GSE1: variants seen among roughly 807,000 people sequenced by gnomAD.
The protein encoded by GSE1 is genetic suppressor element 1.
GSE1 carries 32 observed loss-of-function variants against 112.6 expected under a neutral mutation model. That is an observed-to-expected ratio of 0.28 (90% CI 0.21 to 0.38). The LOEUF (loss-of-function observed/expected upper bound fraction) is 0.38, where lower values mean the gene tolerates loss of function less well. Ranked by LOEUF, GSE1 falls within the 10% of genes least tolerant of loss-of-function variation. The pLI is 1.00. For missense variants in GSE1, 2,348 were observed against 1,699.2 expected, an observed-to-expected ratio of 1.38 and a Z score of -6.71; for synonymous variants, 1,115 against 735.6, an observed-to-expected ratio of 1.52 and a Z score of -8.35.
At chr16:85,195,966 T>C (rs940334079) in intron 1 of GSE1, among the ~76,000 whole-genome samples, 2 of 152,162 alleles carry the variant, frequency 1.3e-5, no homozygotes, top group African/African-American at 4.8e-5. Flanking sequence ...AGACAGATGC[T>C]TTAGTACCGA....
At chr16:85,393,158 C>T (rs756298060) in intron 2 of GSE1, among the ~76,000 whole-genome samples, 2 of 152,198 alleles carry the variant, frequency 1.3e-5, no homozygotes, top group Non-Finnish European at 2.9e-5. Context: ...AATCCCAGCA[C>T]TTTGGGAGGC....
At chr16:85,314,103 C>CTG (rs149950349) in intron 1 of GSE1, among the ~76,000 whole-genome samples, 25 of 150,328 alleles carry the variant, frequency 1.7e-4, no homozygotes, top group South Asian at 2.1e-4. Flanking sequence ...TGACACAGCT[C>CTG]TGTGTGTGTG....
rs1009226009 is a variant in GSE1 at position 85,654,677 on chromosome 16, C to A, written c.600-117C>A. The A allele has an allele frequency of 9.2e-6, 7 of 764,006 alleles. No homozygotes were observed. The East Asian group carries it at 1.6e-4, about 18-fold the overall frequency. 47.3% of individuals were successfully genotyped at this position (764,006 alleles called of 1,614,324 possible). A position where few individuals can be genotyped will look rare whatever the true frequency, so the allele number is the denominator to read the frequency against. On this transcript the variant is annotated intron_variant, in intron 4 of 15. Transcript: ENST00000253458. The stretch of plus-strand genomic sequence containing the variant: ...TAAGCCCCGTCCTCGTTCGGGGTGC[C>A]AGGAGTCTGGGTGCCGACTGAGCGC...
chr16:85,185,907 C>T (rs1306517029), intron 1 of GSE1, among the ~76,000 whole-genome samples: 1 of 152,218 alleles, frequency 6.6e-6, no homozygotes, highest in East Asian at 1.9e-4. Flanking sequence ...GGGAAATTGA[C>T]ACAGTGAGGG....
chr16:85,656,401 GAGCGT>G lies in GSE1; in HGVS notation c.1049_1053del (p.Glu350GlyfsTer3), dbSNP rs2051944398. Reference sequence around the variant, plus strand: ...GGAGCGCGAGCGCGAGCGCGAGCGTGAGCGTGAGGCTGACCGCGAGCGGGAGAAGG... The same window carrying G: ...GGAGCGCGAGCGCGAGCGCGAGCGTGGAGGCTGACCGCGAGCGGGAGAAGG... On this transcript the variant is annotated frameshift_variant, in exon 7 of 16. Transcript: ENST00000253458. LOFTEE classifies it high-confidence loss of function. 6.4e-7 allele frequency: 1 copy of G among 1,556,198 alleles called. No individual in the cohort carries two copies. The highest frequency in any genetic ancestry group is 1.7e-5 in the African/African-American group (1 of 58,476).
chr16:85,239,406 G>C (rs1212167159), intron 1 of GSE1, among the ~76,000 whole-genome samples: 1 of 152,216 alleles, frequency 6.6e-6, no homozygotes, highest in East Asian at 1.9e-4. Context: ...TCCCTCCCTG[G>C]GGAGCTTGGT....
chr16:85,350,354 G>C (rs950001983), intron 1 of GSE1, among the ~76,000 whole-genome samples: 3 of 152,128 alleles, frequency 2.0e-5, no homozygotes, highest in African/African-American at 7.2e-5. Context: ...GGAAGGAAGA[G>C]ATGATTCAGG....
intron 3 of GSE1, 89 bp downstream of exon 3, chr16:85,648,840 T>C (rs954827171): frequency 8.5e-6 from 6 of 709,572 alleles, no homozygotes; most frequent in Admixed American, 3.1e-5. Flanking sequence ...CTTTCGAGGT[T>C]GAGTTTACAT....
At chr16:85,177,641 G>C (rs1428179645) in intron 1 of GSE1, among the ~76,000 whole-genome samples, 1 of 152,184 alleles carries the variant, frequency 6.6e-6, no homozygotes, top group Non-Finnish European at 1.5e-5. Flanking sequence ...AGGGTTCTGA[G>C]GCCATGTCTG....
chr16:85,476,861 C>T (rs1202174647), intron 2 of GSE1, among the ~76,000 whole-genome samples: 5 of 151,570 alleles, frequency 3.3e-5, no homozygotes, highest in Non-Finnish European at 5.9e-5. Context: ...GATCCTCTCA[C>T]CTTGGCCTTC....
intron 2 of GSE1, among the ~76,000 whole-genome samples, chr16:85,647,088 C>T (rs1466796679): frequency 6.6e-6 from 1 of 152,194 alleles, no homozygotes; most frequent in Non-Finnish European, 1.5e-5. Context: ...GAGGAAGCCC[C>T]TTCCCTTAGG....
At chr16:85,638,641 T>C (rs1164681530) in intron 2 of GSE1, among the ~76,000 whole-genome samples, 2 of 151,452 alleles carry the variant, frequency 1.3e-5, no homozygotes, top group African/African-American at 4.9e-5. Context: ...GCCTCCACCC[T>C]GGCTCCCACC....
intron 1 of GSE1, among the ~76,000 whole-genome samples, chr16:85,310,726 G>T (rs78007796): frequency 6.6e-6 from 1 of 151,900 alleles, no homozygotes; most frequent in African/African-American, 2.4e-5. Context: ...TGTGGAAGGG[G>T]AGCGCACCCA....
chr16:85,170,017 G>T, exon 1 of GSE1: 1 of 984,674 alleles, frequency 1.0e-6, no homozygotes, highest in South Asian at 4.7e-5. Context: ...GCGCGGGGCC[G>T]CGGAGGAGAC....
chr16:85,656,500 C>A lies in GSE1; in HGVS notation c.1147C>A (p.Arg383Ser), dbSNP rs1231898483. The A allele has an allele frequency of 1.9e-6, 3 of 1,547,062 alleles. No individual in the cohort carries two copies. Among genetic ancestry groups the A allele is most frequent in the Admixed American group, 3.9e-5 (2 of 50,982 alleles). ...GCGTGAGCGTGAGAAGGAGCGCGAG[C>A]GCGAGCTGGAGCGCCAGCGGGAGCA... The part of the protein sequence containing the change: ...KEREREKERE[R>S]ELERQREQRA... The change falls in exon 7 of 16, where the codon CGC becomes AGC. Residue 383 changes from arginine (R) to serine (S), a missense_variant. Transcript: ENST00000253458.
chr16:85,549,048 A>G (rs906244725), intron 2 of GSE1, among the ~76,000 whole-genome samples: 6 of 152,136 alleles, frequency 3.9e-5, no homozygotes, highest in African/African-American at 1.4e-4. Flanking sequence ...CGGCCTCCCA[A>G]TGTGCTAGGA....
intron 1 of GSE1, among the ~76,000 whole-genome samples, chr16:85,236,428 C>CT (rs1211446916): frequency 6.6e-6 from 1 of 152,230 alleles, no homozygotes; most frequent in African/African-American, 2.4e-5. Flanking sequence ...GCTAAAAACT[C>CT]TGAGACTTGG....
intron 2 of GSE1, among the ~76,000 whole-genome samples, chr16:85,436,173 T>C (rs4783201): frequency 0.44 from 67,053 of 152,016 alleles, 18,025 homozygotes; most frequent in African/African-American, 0.76. Context: ...CTCCTTGAAC[T>C]TCCTGTTCTC....
chr16:85,590,037 T>C (rs533674272), intron 1 of GSE1, among the ~76,000 whole-genome samples: 1 of 151,788 alleles, frequency 6.6e-6, no homozygotes, highest in East Asian at 1.9e-4. Flanking sequence ...GACGTGAGTG[T>C]GAATGTGTGA....
Sources: gnomAD v4.1 joint callset for allele counts (sites outside exome capture counted in the v4.1 genomes callset) on GRCh38, gnomAD v4.1.1 for gene constraint, MANE v1.5 for transcripts, NCBI Gene and HGNC (gene_info 2026-07-23, HGNC 2026-07-21) for gene names.